The following REV3L variants were observed in gnomAD, a reference collection of about 807,000 sequenced individuals.
REV3L encodes DNA polymerase zeta catalytic subunit.
REV3L carries 69 observed loss-of-function variants against 299.4 expected under a neutral mutation model. The ratio of observed to expected loss-of-function variants is 0.23; its 90% CI spans 0.19 to 0.28. The LOEUF is 0.28. Among genes scored for constraint, REV3L ranks in the 10% least tolerant of loss-of-function variants. REV3L has a pLI of 1.00. For synonymous variants in REV3L, 1,238 were observed against 1,271.4 expected (o/e 0.97, Z 0.56); for missense variants, 3,128 against 3,693.8 (o/e 0.85, Z 3.97).
Position 111,367,776 on chromosome 6 carries a change from T to C in REV3L, c.6012A>G (p.Gln2004=), listed in dbSNP as rs780310262. 1.1e-5 allele frequency: 18 copies of C among 1,614,106 alleles called. No individual in the cohort carries two copies. Among genetic ancestry groups the C allele is most frequent in the East Asian group, 4.5e-5 (2 of 44,894 alleles). Reference sequence around the variant, plus strand: ...TGGCTTGAAGCCACACTTGAACCAGTTGTCGACTTGGGGCACATTTGCAAG... The same window carrying C: ...TGGCTTGAAGCCACACTTGAACCAGCTGTCGACTTGGGGCACATTTGCAAG... ...IMPCKCAPSR[Q]LVQVWLQAKE... Residue 2004 remains glutamine, a synonymous_variant, in exon 14 of 32, where the codon CAA becomes CAG. Transcript: ENST00000368802.
At chr6:111,300,923 A>G (rs1333357665) in intron 31 of REV3L, among the ~76,000 whole-genome samples, 1 of 152,240 alleles carries the variant, frequency 6.6e-6, no homozygotes, top group Non-Finnish European at 1.5e-5. Flanking sequence ...TGCAGGGAAT[A>G]AGGGAGATAA....
chr6:111,470,507 A>T (rs1237046705), intron 1 of REV3L, among the ~76,000 whole-genome samples: 4 of 152,242 alleles, frequency 2.6e-5, no homozygotes, highest in Admixed American at 2.6e-4. Flanking sequence ...CATCGCTTAT[A>T]ACAGGGCACA....
Position 111,377,889 on chromosome 6 carries a change from AC to A in REV3L, c.1455-47del, listed in dbSNP as rs559911871. On this transcript the variant is annotated intron_variant, in intron 11 of 31. Coordinates refer to ENST00000368802, the MANE Select transcript of REV3L (RefSeq NM_001372078.1). ...CTGGTGAGCATGATCATTAGTAAAG[AC>A]CATCTCAGATGCAAATAATGCATCT... 57 of 1,525,306 alleles carry A rather than the reference AC, an allele frequency of 3.7e-5. No individual in the cohort carries two copies. In the South Asian group the frequency reaches 6.8e-4, roughly 18 times the overall value. 94.5% of individuals were successfully genotyped at this position (1,525,306 alleles called of 1,614,324 possible).
At chr6:111,350,830 C>T (rs114565574) in intron 19 of REV3L, among the ~76,000 whole-genome samples, 5,381 of 151,750 alleles carry the variant, frequency 0.035, 320 homozygotes, top group African/African-American at 0.12. Flanking sequence ...CTCAAGCAAG[C>T]CTCCCACCTT....
At chr6:111,436,527 A>G (rs1166983209) in intron 1 of REV3L, among the ~76,000 whole-genome samples, 5 of 152,176 alleles carry the variant, frequency 3.3e-5, no homozygotes, top group African/African-American at 9.7e-5. Context: ...AAAAAAGCCA[A>G]GTACAGAAAG....
chr6:111,361,002 C>T (rs999096588), intron 16 of REV3L, among the ~76,000 whole-genome samples: 1 of 151,956 alleles, frequency 6.6e-6, no homozygotes, highest in Non-Finnish European at 1.5e-5. Flanking sequence ...AATAAGCATG[C>T]ATTAATTTAG....
At chr6:111,456,342 T>C (rs1790155573) in intron 1 of REV3L, among the ~76,000 whole-genome samples, 2 of 152,184 alleles carry the variant, frequency 1.3e-5, no homozygotes. Context: ...GGGGATGTAG[T>C]GGGAATTTAA....
At chr6:111,431,127 A>T in intron 1 of REV3L, 1 of 1,516,910 alleles carries the variant, frequency 6.6e-7, no homozygotes, top group African/African-American at 1.4e-5. Context: ...CCTATGGGGA[A>T]GACACAGATC....
chr6:111,470,282 G>A (rs1792035395), intron 1 of REV3L, among the ~76,000 whole-genome samples: 1 of 152,150 alleles, frequency 6.6e-6, no homozygotes, highest in Admixed American at 6.5e-5. Context: ...TTCTGGAAGT[G>A]TTAGAAGACA....
chr6:111,452,645 G>A (rs954499580), intron 1 of REV3L, among the ~76,000 whole-genome samples: 7 of 152,146 alleles, frequency 4.6e-5, no homozygotes, highest in South Asian at 2.1e-4. Context: ...CAGGAATAGC[G>A]AGAGAGGTTT....
chr6:111,415,336 A>C (rs1420913101), intron 2 of REV3L, among the ~76,000 whole-genome samples: 1 of 152,138 alleles, frequency 6.6e-6, no homozygotes. Flanking sequence ...GTCTCATCTC[A>C]AGTGGACAGA....
intron 4 of REV3L, among the ~76,000 whole-genome samples, chr6:111,404,414 T>G (rs904820957): frequency 6.6e-6 from 1 of 152,232 alleles, no homozygotes. Flanking sequence ...CTAATGTTGG[T>G]TCCCTGCCTG....
chr6:111,440,086 G>A (rs767561435), intron 1 of REV3L, among the ~76,000 whole-genome samples: 67 of 151,266 alleles, frequency 4.4e-4, no homozygotes, highest in Non-Finnish European at 7.8e-4. Context: ...TTTTTGAGAC[G>A]GAGGAGTTTC....
intron 1 of REV3L, among the ~76,000 whole-genome samples, chr6:111,436,058 CA>C (rs1787512639): frequency 6.6e-6 from 1 of 152,138 alleles, no homozygotes; most frequent in Non-Finnish European, 1.5e-5. Context: ...AAAAGATGCT[CA>C]ACATCACTAA....
intron 6 of REV3L, among the ~76,000 whole-genome samples, 199 bp from the exon 7 acceptor site, chr6:111,389,409 C>A (rs1781674107): frequency 6.6e-6 from 1 of 152,138 alleles, no homozygotes; most frequent in East Asian, 1.9e-4. Context: ...CAAAATCCAG[C>A]AAGTGAATAC....
intron 5 of REV3L, among the ~76,000 whole-genome samples, chr6:111,391,188 C>T (rs1306470873): frequency 6.6e-6 from 1 of 151,830 alleles, no homozygotes; most frequent in East Asian, 1.9e-4. Context: ...GCCTCAGCTT[C>T]CCAAGTAACT....
chr6:111,380,123 C>T lies in REV3L; in HGVS notation c.1313G>A (p.Arg438His), dbSNP rs748489400. The change falls in exon 11 of 32, where the codon CGC (arginine) becomes CAC (histidine). Residue 438 changes from arginine to histidine, a missense_variant. By Grantham distance (29) the Arg-to-His change is conservative (BLOSUM62 0). Around this residue, in one of 9 missense-constraint regions of REV3L, gnomAD observed 2,409 missense variants for 2,611.8 expected, o/e 0.92. Coordinates refer to ENST00000368802, the MANE Select transcript of REV3L (RefSeq NM_001372078.1). ...GERNRMPSPC[R>H]SFGNNKYPQN... ...TGGATATTTATTATTTCCAAAGGAG[C>T]GACATGGTGATGGCATCCTATTTCT... The T allele has an allele frequency of 7.7e-5, 125 of 1,613,648 alleles. No homozygotes were observed. Among genetic ancestry groups the T allele is most frequent in the Non-Finnish European group, 9.6e-5 (113 of 1,179,780 alleles).
intron 1 of REV3L, among the ~76,000 whole-genome samples, chr6:111,421,817 T>C (rs1241292470): frequency 1.3e-5 from 2 of 152,162 alleles, no homozygotes; most frequent in African/African-American, 4.8e-5. Context: ...CATTTACGTT[T>C]ACAAAAATTT....
intron 1 of REV3L, among the ~76,000 whole-genome samples, chr6:111,432,808 G>C (rs1787098007): frequency 6.6e-6 from 1 of 152,106 alleles, no homozygotes; most frequent in African/African-American, 2.4e-5. Context: ...CAAAAAACAA[G>C]TCTCACCAAA....
Sources: gnomAD v4.1 joint callset for allele counts (sites outside exome capture counted in the v4.1 genomes callset) on GRCh38, gnomAD v4.1.1 for gene constraint, gnomAD v4.1.1 regional missense constraint, MANE v1.5 for transcripts, NCBI Gene and HGNC (gene_info 2026-07-23, HGNC 2026-07-21) for gene names.